LARGE1: variants seen among roughly 807,000 people sequenced by gnomAD.
LARGE1 encodes LARGE xylosyl- and glucuronyltransferase 1.
A neutral mutation model predicts 87.6 loss-of-function variants in LARGE1; 43 were observed. That is an observed-to-expected ratio of 0.49 (90% CI 0.38 to 0.63). The LOEUF is 0.63. Among genes scored for constraint, LARGE1 ranks in the 30% least tolerant of loss-of-function variants. The pLI, the probability that LARGE1 is intolerant of heterozygous loss-of-function variation, is 0.00. For missense variants in LARGE1, 802 were observed against 1,000.2 expected (o/e 0.80, Z 2.67); for synonymous variants, 434 against 394.6 (o/e 1.10, Z -1.18).
intron 7 of LARGE1, among the ~76,000 whole-genome samples, chr22:33,413,214 A>C (rs1157107525): frequency 6.6e-6 from 1 of 152,144 alleles, no homozygotes; most frequent in Non-Finnish European, 1.5e-5. Flanking sequence ...GTAACTGGCA[A>C]TGTCTATAGT....
intron 9 of LARGE1, among the ~76,000 whole-genome samples, chr22:33,342,618 A>ACAT (rs1416711288): frequency 2.0e-5 from 3 of 152,166 alleles, no homozygotes; most frequent in African/African-American, 7.2e-5. Context: ...AGTCTGCCCA[A>ACAT]CATCACATGG....
intron 5 of LARGE1, among the ~76,000 whole-genome samples, chr22:33,598,169 A>C (rs570959139): frequency 6.9e-4 from 105 of 152,282 alleles, no homozygotes; most frequent in Non-Finnish European, 1.3e-3. Flanking sequence ...ACATAGGAGA[A>C]AGGGCACAGA....
At chr22:33,700,437 A>G (rs988156578) in intron 2 of LARGE1, among the ~76,000 whole-genome samples, 2 of 152,210 alleles carry the variant, frequency 1.3e-5, no homozygotes, top group Non-Finnish European at 2.9e-5. Context: ...ATGCTGCCTC[A>G]CAATCCAAAG....
intron 5 of LARGE1, 121 bp from the exon 6 acceptor site, chr22:33,565,140 GAATA>G: frequency 1.2e-6 from 1 of 867,688 alleles, no homozygotes; most frequent in Non-Finnish European, 1.8e-6. Flanking sequence ...AAAATTTGTT[GAATA>G]AATGAATGAG....
rs1161418332 is a variant in LARGE1, at chr22:33,466,464, G to C, written c.788-34199C>G. ...ATTTCTAGGACCTGGTGGGAATATA[G>C]TAAGTGCTCAATAAATATTTGTTGA... is the stretch of plus-strand genomic sequence containing the variant. On this transcript the variant is annotated intron_variant, in intron 6 of 14. Coordinates refer to ENST00000397394, the MANE Select transcript of LARGE1 (RefSeq NM_133642.5). 2.7e-5 allele frequency among the ~76,000 whole-genome samples: 4 copies of C among 150,506 alleles called. No homozygotes were observed. In the South Asian group the frequency reaches 6.3e-4, roughly 24 times the overall value.
chr22:33,859,999 C>T (rs2063866134), intron 1 of LARGE1, among the ~76,000 whole-genome samples: 1 of 152,130 alleles, frequency 6.6e-6, no homozygotes, highest in Non-Finnish European at 1.5e-5. Context: ...TCAAAGGATG[C>T]ACAATTTCAG....
chr22:33,113,340 TG>T, the LARGE1 span, among the ~76,000 whole-genome samples: 2 of 151,968 alleles, frequency 1.3e-5, no homozygotes, highest in African/African-American at 4.8e-5. Context: ...CCTGAGTAGC[TG>T]GGATTACAGG....
the LARGE1 span, among the ~76,000 whole-genome samples, chr22:33,068,030 G>T: frequency 6.6e-6 from 1 of 152,038 alleles, no homozygotes; most frequent in African/African-American, 2.4e-5. Flanking sequence ...CCTGTCTTGT[G>T]AGATGATCAT....
chr22:33,794,651 C>T (rs879649991), intron 1 of LARGE1, among the ~76,000 whole-genome samples: 8 of 152,146 alleles, frequency 5.3e-5, no homozygotes, highest in Admixed American at 2.0e-4. Flanking sequence ...GATGGAGTCT[C>T]GCTCTGTCGC....
chr22:33,861,657 T>C (rs2063926794), intron 1 of LARGE1: 1 of 152,206 alleles, frequency 6.6e-6, no homozygotes, highest in African/African-American at 2.4e-5. Context: ...TTGGTGCCAC[T>C]CCTCAGTCCT....
At chr22:33,203,661 A>T (rs947673691) in intron 11 of LARGE1, among the ~76,000 whole-genome samples, 2 of 152,282 alleles carry the variant, frequency 1.3e-5, no homozygotes, top group Admixed American at 6.5e-5. Flanking sequence ...GGAAAAACCC[A>T]CGAGGAACTG....
intron 11 of LARGE1, among the ~76,000 whole-genome samples, chr22:33,190,320 C>A (rs5994690): frequency 6.6e-6 from 1 of 152,092 alleles, no homozygotes; most frequent in African/African-American, 2.4e-5. Flanking sequence ...ATATTTCCTT[C>A]TTCAGACTTT....
chr22:33,522,418 A>ATC (rs1288589629), intron 6 of LARGE1, among the ~76,000 whole-genome samples: 1 of 152,214 alleles, frequency 6.6e-6, no homozygotes, highest in Non-Finnish European at 1.5e-5. Context: ...AATAAATGGT[A>ATC]TCTCTGGTGC....
At chr22:33,592,802 T>A (rs1345837391) in intron 5 of LARGE1, among the ~76,000 whole-genome samples, 2 of 152,128 alleles carry the variant, frequency 1.3e-5, no homozygotes, top group African/African-American at 4.8e-5. Flanking sequence ...AATACACTTG[T>A]GTATATTTTC....
intron 2 of LARGE1, among the ~76,000 whole-genome samples, chr22:33,689,532 G>A (rs1228584812): frequency 3.3e-5 from 5 of 152,074 alleles, no homozygotes; most frequent in Non-Finnish European, 7.4e-5. Flanking sequence ...ATGGGTACTG[G>A]GAAGAAGGAA....
intron 1 of LARGE1, among the ~76,000 whole-genome samples, chr22:33,901,223 C>T (rs896930164): frequency 6.6e-6 from 1 of 152,008 alleles, no homozygotes; most frequent in Non-Finnish European, 1.5e-5. Flanking sequence ...GGGTTCTCAC[C>T]GAGAGCCACT....
chr22:33,482,683 A>G (rs947020109), intron 6 of LARGE1, among the ~76,000 whole-genome samples: 2 of 151,688 alleles, frequency 1.3e-5, no homozygotes, highest in African/African-American at 4.9e-5. Flanking sequence ...CGTTCTGCAC[A>G]TGTACCCCAG....
chr22:33,198,873 G>C (rs1924225830), intron 11 of LARGE1, among the ~76,000 whole-genome samples: 1 of 152,152 alleles, frequency 6.6e-6, no homozygotes. Context: ...CCAGTAGTGG[G>C]ATTGCTGAAT....
Position 33,650,471 on chromosome 22 carries a change from A to G in LARGE1, c.304T>C (p.Tyr102His). 4 of 1,614,024 alleles carry G rather than the reference A, an allele frequency of 2.5e-6. No individual in the cohort carries two copies. Among genetic ancestry groups the G allele is most frequent in the Non-Finnish European group, 3.4e-6 (4 of 1,180,044 alleles). Reference sequence around the variant, plus strand: ...TCTCCAGTGCCCTCCTCCATGGAGTAGGTCTTGGAGTGGTTGCCTCGGCGA... The same window carrying G: ...TCTCCAGTGCCCTCCTCCATGGAGTGGGTCTTGGAGTGGTTGCCTCGGCGA... ...SHRRGNHSKT[Y>H]SMEEGTGDSE... Residue 102 changes from tyrosine to histidine, a missense_variant, in exon 3 of 15, where the codon TAC becomes CAC. Tyr to His is a moderately conservative substitution (Grantham distance 83). Around this residue, in one of 2 missense-constraint regions of LARGE1, gnomAD observed 177 missense variants for 158.3 expected, o/e 1.12. Transcript: ENST00000397394.
Sources: allele counts gnomAD v4.1 joint callset (sites outside exome capture counted in the v4.1 genomes callset), GRCh38; gene constraint gnomAD v4.1.1; regional missense constraint gnomAD v4.1.1; transcripts MANE v1.5; gene names NCBI Gene and HGNC (gene_info 2026-07-23, HGNC 2026-07-21).